Variants in NAA40 observed in about 807,000 individuals in gnomAD.
The protein encoded by NAA40 is N-alpha-acetyltransferase 40, NatD catalytic subunit, also known as N-alpha-acetyltransferase 40.
Under a neutral mutation model 36.6 loss-of-function variants are expected in NAA40, and 26 were observed. The observed-to-expected ratio is 0.71, with a 90% confidence interval of 0.52 to 0.98. The LOEUF is 0.98. NAA40 is among the 50% of genes least tolerant of loss of function. The pLI, the probability that NAA40 is intolerant of heterozygous loss-of-function variation, is 0.00. For missense variants in NAA40, 237 were observed against 306.5 expected (o/e 0.77, Z 1.69); for synonymous variants, 129 against 108.4 (o/e 1.19, Z -1.18).
At chr11:63,944,902 CAAAAAA>C (rs113133922) in intron 1 of NAA40, among the ~76,000 whole-genome samples, 4 of 126,106 alleles carry the variant, frequency 3.2e-5, no homozygotes, top group Non-Finnish European at 6.5e-5. Context: ...GACTCCATCT[CAAAAAA>C]AAAAAAAAAA....
At position 63,954,524 on chromosome 11, in the gene NAA40, T is replaced by C; in HGVS notation, c.*45T>C. 1 of 1,536,786 alleles carries C rather than the reference T, an allele frequency of 6.5e-7. No homozygotes were observed. Among genetic ancestry groups the C allele is most frequent in the South Asian group, 1.3e-5 (1 of 77,888 alleles). On this transcript the variant is annotated 3_prime_UTR_variant, in exon 8 of 8. Transcript: ENST00000377793. ...AGTCACAATGCTCTCTCCTAAGGCCTTTCCTCTTTCCTGGTCTCACTGTTC... is the reference window on the plus strand; with the variant it reads ...AGTCACAATGCTCTCTCCTAAGGCCCTTCCTCTTTCCTGGTCTCACTGTTC...
At chr11:63,952,909 A>G (rs144583582) in intron 6 of NAA40, 70 bp downstream of exon 6, 2 of 1,378,796 alleles carry the variant, frequency 1.5e-6, no homozygotes, top group East Asian at 4.6e-5. Flanking sequence ...GGCACTTGCC[A>G]TTCTTTGAGC....
intron 1 of NAA40, among the ~76,000 whole-genome samples, chr11:63,939,917 G>A (rs1452134547): frequency 6.6e-6 from 1 of 152,028 alleles, no homozygotes; most frequent in Non-Finnish European, 1.5e-5. Context: ...TTACTTTCCC[G>A]GGATATAGGG....
intron 3 of NAA40, 122 bp downstream of exon 3, chr11:63,947,125 G>A: frequency 9.5e-7 from 1 of 1,053,106 alleles, no homozygotes; most frequent in Non-Finnish European, 1.4e-6. Flanking sequence ...GAAAAAACAG[G>A]GCTGGGTGCG....
chr11:63,939,852 G>C (rs1285367350), intron 1 of NAA40, among the ~76,000 whole-genome samples: 4 of 152,116 alleles, frequency 2.6e-5, no homozygotes, highest in African/African-American at 9.7e-5. Flanking sequence ...CGGCCCAGCC[G>C]CGGATGGATA....
At position 63,945,906 on chromosome 11, in the gene NAA40, G is replaced by A. The variant is rs894275658; in HGVS notation, c.73G>A (p.Val25Ile). 30 of 1,614,046 alleles carry A rather than the reference G, an allele frequency of 1.9e-5. No individual in the cohort carries two copies. The highest frequency in any genetic ancestry group is 2.3e-5 in the Non-Finnish European group (27 of 1,180,024). The change falls in exon 2 of 8, where the codon GTT becomes ATT. Residue 25 changes from valine (V) to isoleucine (I), a missense_variant. Val to Ile is a conservative substitution (Grantham distance 29). Coordinates refer to ENST00000377793, the MANE Select transcript of NAA40 (RefSeq NM_024771.4). ...GGAGGAGCGAGCAGCCATGGATGCC[G>A]TTTGTGCCAAAGTGGACGCTGCCAA... is the stretch of plus-strand genomic sequence containing the variant. ...RLEERAAMDAVCAKVDAANRL... is the reference protein window; with the variant it reads ...RLEERAAMDAICAKVDAANRL...
intron 1 of NAA40, among the ~76,000 whole-genome samples, chr11:63,943,924 G>C (rs1334932763): frequency 6.6e-6 from 1 of 152,244 alleles, no homozygotes; most frequent in African/African-American, 2.4e-5. Flanking sequence ...CCATGGTAGA[G>C]GGAGGCTAGT....
intron 1 of NAA40, among the ~76,000 whole-genome samples, chr11:63,942,634 TAGG>T (rs773939546): frequency 4.3e-4 from 65 of 152,340 alleles, no homozygotes; most frequent in Admixed American, 2.8e-3. Flanking sequence ...CCATTTTAAT[TAGG>T]AGCATTTTCC....
intron 6 of NAA40, among the ~76,000 whole-genome samples, chr11:63,953,287 T>C (rs1466671695): frequency 6.6e-6 from 1 of 152,100 alleles, no homozygotes; most frequent in Non-Finnish European, 1.5e-5. Flanking sequence ...TCAGGTGATC[T>C]ACCTACCTCA....
At chr11:63,939,415 T>G in intron 1 of NAA40, 1 of 1,143,590 alleles carries the variant, frequency 8.7e-7, no homozygotes, top group Non-Finnish European at 1.1e-6. Context: ...GGGGTTAGCT[T>G]CCCGCTCCCC....
At chr11:63,951,446 C>CTGG (rs1311553138) in intron 3 of NAA40, among the ~76,000 whole-genome samples, 3 of 152,108 alleles carry the variant, frequency 2.0e-5, no homozygotes, top group Non-Finnish European at 4.4e-5. Flanking sequence ...CAGGTTCAAG[C>CTGG]GATTCTCCTG....
chr11:63,952,037 G>T (rs760114157), intron 3 of NAA40: 3 of 537,430 alleles, frequency 5.6e-6, no homozygotes, highest in Non-Finnish European at 9.9e-6. Context: ...GGGGTGGGCC[G>T]TGTGGCCACA....
intron 1 of NAA40, among the ~76,000 whole-genome samples, chr11:63,939,837 G>C (rs962052245): frequency 1.3e-5 from 2 of 152,124 alleles, no homozygotes; most frequent in African/African-American, 4.8e-5. Context: ...GGGAGGCGGG[G>C]GCGGCGGCCC....
chr11:63,942,692 G>A (rs748641528), intron 1 of NAA40, among the ~76,000 whole-genome samples: 21 of 152,236 alleles, frequency 1.4e-4, no homozygotes, highest in Admixed American at 8.5e-4. Flanking sequence ...CAGGGGCAAA[G>A]CTAATTGGAA....
intron 2 of NAA40, 79 bp from the exon 3 acceptor site, chr11:63,946,872 C>T (rs1236887437): frequency 1.2e-6 from 2 of 1,608,760 alleles, no homozygotes; most frequent in African/African-American, 1.3e-5. Flanking sequence ...CATCCCACTC[C>T]AAGACAACAG....
intron 3 of NAA40, among the ~76,000 whole-genome samples, chr11:63,949,532 TA>T (rs1251473826): frequency 6.6e-6 from 1 of 152,096 alleles, no homozygotes; most frequent in African/African-American, 2.4e-5. Context: ...TTTTGGTTTC[TA>T]AAATAGGAAG....
chr11:63,953,516 G>A (rs1010509307), intron 6 of NAA40, among the ~76,000 whole-genome samples: 3 of 152,136 alleles, frequency 2.0e-5, no homozygotes, highest in African/African-American at 7.2e-5. Context: ...CTGTGTGGGG[G>A]TCCAAGACCT....
chr11:63,939,082 GT>G lies in NAA40; in HGVS notation c.-13del, dbSNP rs1942063219. 8 of 1,604,878 alleles carry G rather than the reference GT, an allele frequency of 5.0e-6. No individual in the cohort carries two copies. The East Asian group carries it at 1.9e-4, about 37-fold the overall frequency. On this transcript the variant is annotated 5_prime_UTR_variant, in exon 1 of 8. Coordinates refer to ENST00000377793, the MANE Select transcript of NAA40 (RefSeq NM_024771.4). ...CAAGTGTGTGAAGAAGAAGCTGAGC[GT>G]TGTCGCCGCCGCTATGGGGGTGAGT...
intron 1 of NAA40, among the ~76,000 whole-genome samples, chr11:63,940,593 G>A (rs1942093571): frequency 6.6e-6 from 1 of 152,156 alleles, no homozygotes; most frequent in Non-Finnish European, 1.5e-5. Context: ...CTAAGTAGTG[G>A]CTGTTATTTT....
Sources: gnomAD v4.1 joint callset for allele counts (sites outside exome capture counted in the v4.1 genomes callset) on GRCh38, gnomAD v4.1.1 for gene constraint, MANE v1.5 for transcripts, NCBI Gene and HGNC (gene_info 2026-07-23, HGNC 2026-07-21) for gene names.